The following TRPV2 variants were observed in gnomAD, a reference collection of about 807,000 sequenced individuals.
TRPV2 encodes OTRPC2.
In TRPV2, 58 loss-of-function variants were observed where a neutral mutation model predicts 91.0. The observed-to-expected ratio is 0.64, with a 90% CI of 0.52 to 0.79. TRPV2 has a LOEUF of 0.79. TRPV2 is among the 30% of genes least tolerant of loss of function. The probability of loss-of-function intolerance (pLI) is 0.00; values close to 1 mark genes in which losing one functional copy is unlikely to be tolerated. For synonymous variants in TRPV2, 417 were observed against 414.8 expected, an observed-to-expected ratio of 1.01 and a Z score of -0.06; for missense variants, 807 against 969.6, an observed-to-expected ratio of 0.83 and a Z score of 2.23.
At chr17:16,422,520 G>T in intron 3 of TRPV2, 79 bp from the exon 4 acceptor site, 1 of 1,457,448 alleles carries the variant, frequency 6.9e-7, no homozygotes, top group Non-Finnish European at 9.4e-7. Context: ...TTTGAGCTGG[G>T]CTTATAAGAG....
chr17:16,423,665 C>T lies in TRPV2; in HGVS notation c.822C>T (p.Leu274=), dbSNP rs751008984. The change falls in exon 5 of 15, where the codon CTC becomes CTT. Residue 274 remains leucine, a synonymous_variant. Transcript: ENST00000338560. ...ALVTSMYDGL[L]QAGARLCPTV... ...TGACCAGCATGTATGATGGGCTCCTCCAAGCTGGGGCCCGCCTCTGCCCTA... is the reference window on the plus strand; with the variant it reads ...TGACCAGCATGTATGATGGGCTCCTTCAAGCTGGGGCCCGCCTCTGCCCTA... The T allele has an allele frequency of 6.8e-6, 11 of 1,614,032 alleles. No homozygotes were observed. The Admixed American group carries it at 1.3e-4, about 20-fold the overall frequency.
rs1317184520 is a variant in TRPV2, at chr17:16,417,687, T to G, written c.19T>G (p.Ser7Ala). 2 of 1,614,094 alleles carry G rather than the reference T, an allele frequency of 1.2e-6. No homozygotes were observed. The highest frequency in any genetic ancestry group is 8.5e-7 in the Non-Finnish European group (1 of 1,180,004). The stretch of plus-strand genomic sequence containing the variant: ...TCCTAGGATGACCTCACCCTCCAGC[T>G]CTCCAGTTTTCAGGTTGGAGACATT... MTSPSSSPVFRLETLDG... is the reference protein window; with the variant it reads MTSPSSAPVFRLETLDG... The change falls in exon 2 of 15, where the codon TCT (serine) becomes GCT (alanine). Residue 7 changes from serine to alanine, a missense_variant. Transcript: ENST00000338560.
chr17:16,432,770 C>T (rs1303408479), intron 12 of TRPV2, among the ~76,000 whole-genome samples: 5 of 151,834 alleles, frequency 3.3e-5, no homozygotes, highest in African/African-American at 1.2e-4. Context: ...CAATGTGCTA[C>T]CAGCTACTCT....
At position 16,418,020 on chromosome 17, in the gene TRPV2, C is replaced by A. The variant is rs113554818; in HGVS notation, c.200+152C>A. On this transcript the variant is annotated intron_variant, in intron 2 of 14. Transcript: ENST00000338560. ...TGGCCCTGGTGGCTCCTGGGCCCGA[C>A]AGGCTGCCTCTGCTCTGCCATCTGG... 3.2e-4 allele frequency: 235 copies of A among 744,562 alleles called. No individual in the cohort carries two copies. The African/African-American group carries it at 3.9e-3, about 12-fold the overall frequency. The allele number at this position is 744,562 out of a possible 1,614,324, so 46.1% of individuals were successfully genotyped here. A position where few individuals can be genotyped will look rare whatever the true frequency, so the allele number is the denominator to read the frequency against.
Position 16,420,114 on chromosome 17 carries a change from G to A in TRPV2, c.201-1G>A, listed in dbSNP as rs2093349451. 6.2e-7 allele frequency: 1 copy of A among 1,612,162 alleles called. No individual in the cohort carries two copies. Among genetic ancestry groups the A allele is most frequent in the African/African-American group, 1.3e-5 (1 of 74,894 alleles). On this transcript the variant is annotated splice_acceptor_variant, in intron 2 of 14. Coordinates refer to ENST00000338560, the MANE Select transcript of TRPV2 (RefSeq NM_016113.5). LOFTEE classifies it high-confidence loss of function. ...TGAGTCACAAACCACATCCTCCACA[G>A]TCAGCCGGATCCAAACCGATTTGAC...
At chr17:16,423,890 A>C in intron 5 of TRPV2, 123 bp downstream of exon 5, 1 of 925,432 alleles carries the variant, frequency 1.1e-6, no homozygotes, top group South Asian at 2.4e-5. Flanking sequence ...TCAATGGAAC[A>C]CTCCTGTTAG....
Position 16,432,168 on chromosome 17 carries a change from C to T in TRPV2, c.1857C>T (p.Arg619=), listed in dbSNP as rs372686966. Residue 619 remains arginine, a synonymous_variant, in exon 12 of 15, where the codon CGC becomes CGT. Coordinates refer to ENST00000338560, the MANE Select transcript of TRPV2 (RefSeq NM_016113.5). The part of the protein sequence containing the change: ...ELAFQEQLHF[R]GMVLLLLLAY... ...CCTTCCAGGAGCAGCTGCACTTCCG[C>T]GGCATGGTGCTGCTGCTGCTGCTGG... The T allele has an allele frequency of 3.5e-5, 57 of 1,614,134 alleles. No homozygotes were observed. The highest frequency in any genetic ancestry group is 4.7e-5 in the Non-Finnish European group (56 of 1,180,044).
At chr17:16,425,746 T>C (rs2093379918) in intron 5 of TRPV2, among the ~76,000 whole-genome samples, 1 of 152,180 alleles carries the variant, frequency 6.6e-6, no homozygotes, top group East Asian at 1.9e-4. Flanking sequence ...TTCTAGATTC[T>C]GACCGCGAAA....
intron 4 of TRPV2, 143 bp downstream of exon 4, chr17:16,423,032 T>C (rs1162246271): frequency 1.9e-5 from 20 of 1,052,092 alleles, no homozygotes; most frequent in South Asian, 3.4e-5. Flanking sequence ...CTAGGCTGCC[T>C]GCAAAAGCAG....
chr17:16,431,045 T>G (rs1439681938), intron 10 of TRPV2, among the ~76,000 whole-genome samples: 3 of 143,900 alleles, frequency 2.1e-5, no homozygotes, highest in Admixed American at 1.3e-4. Flanking sequence ...AGGTTTTTTT[T>G]TTTTGTTTTT....
At chr17:16,420,660 C>G (rs2093352507) in intron 3 of TRPV2, among the ~76,000 whole-genome samples, 1 of 152,246 alleles carries the variant, frequency 6.6e-6, no homozygotes, top group Non-Finnish European at 1.5e-5. Context: ...AGAAAAATAA[C>G]ATGAGTACTC....
At chr17:16,421,129 C>A (rs1411286684) in intron 3 of TRPV2, among the ~76,000 whole-genome samples, 1 of 152,146 alleles carries the variant, frequency 6.6e-6, no homozygotes, top group Non-Finnish European at 1.5e-5. Context: ...TTATCGATGG[C>A]CATTTTAGGT....
At chr17:16,419,454 C>A (rs1193441506) in intron 2 of TRPV2, 2 of 470,212 alleles carry the variant, frequency 4.3e-6, no homozygotes, top group Non-Finnish European at 8.8e-6. Flanking sequence ...AGCCTAGAAT[C>A]TCTCTGGGGA....
At chr17:16,419,495 C>A in intron 2 of TRPV2, 1 of 451,802 alleles carries the variant, frequency 2.2e-6, no homozygotes, top group Non-Finnish European at 4.6e-6. Flanking sequence ...TTAAACAGCC[C>A]TGCTGAGATT....
intron 2 of TRPV2, among the ~76,000 whole-genome samples, chr17:16,418,178 CT>C (rs1013817172): frequency 7.9e-5 from 12 of 152,232 alleles, no homozygotes; most frequent in Non-Finnish European, 1.6e-4. Flanking sequence ...ACTCCCACCC[CT>C]GTCATGGTCC....
intron 14 of TRPV2, 149 bp from the exon 15 acceptor site, chr17:16,436,640 A>G (rs1291582953): frequency 3.1e-6 from 2 of 647,296 alleles, no homozygotes; most frequent in Non-Finnish European, 5.6e-6. Flanking sequence ...GAGTGAGGGA[A>G]GCAGGGAGAA....
chr17:16,436,169 G>A (rs1225057914), intron 14 of TRPV2, among the ~76,000 whole-genome samples: 2 of 152,074 alleles, frequency 1.3e-5, no homozygotes, highest in African/African-American at 4.8e-5. Context: ...CCTCTGCCCT[G>A]CCCTGCCTCT....
intron 3 of TRPV2, 62 bp from the exon 4 acceptor site, chr17:16,422,537 G>A: frequency 6.5e-7 from 1 of 1,545,952 alleles, no homozygotes. Flanking sequence ...AGAGCTATCG[G>A]GCAGCCCAGC....
Position 16,432,052 on chromosome 17 carries a change from C to A in TRPV2, c.1741C>A (p.Gln581Lys). 6.2e-7 allele frequency: 1 copy of A among 1,613,804 alleles called. No homozygotes were observed. The highest frequency in any genetic ancestry group is 8.5e-7 in the Non-Finnish European group (1 of 1,179,736). Residue 581 changes from glutamine to lysine, a missense_variant, in exon 12 of 15, where the codon CAG becomes AAG. Transcript: ENST00000338560. ...AGAGTCAGTGCAGCCCATGGAGGGA[C>A]AGGAGGACGAGGGCAACGGGGCCCA... ...ATESVQPMEG[Q>K]EDEGNGAQYR...
Sources: gnomAD v4.1 joint callset for allele counts (sites outside exome capture counted in the v4.1 genomes callset) on GRCh38, gnomAD v4.1.1 for gene constraint, MANE v1.5 for transcripts, NCBI Gene and HGNC (gene_info 2026-07-23, HGNC 2026-07-21) for gene names.